HNRNPA2B1: variants seen among roughly 807,000 people sequenced by gnomAD.
HNRNPA2B1 encodes heterogeneous nuclear ribonucleoproteins A2/B1.
In HNRNPA2B1, 3 loss-of-function variants were observed where a neutral mutation model predicts 46.3. The ratio of observed to expected loss-of-function variants is 0.06; its 90% CI spans 0.03 to 0.17. The LOEUF (loss-of-function observed/expected upper bound fraction) is 0.17. Ranked by LOEUF, HNRNPA2B1 falls within the 10% of genes least tolerant of loss-of-function variation. The probability of loss-of-function intolerance (pLI) is 1.00; values close to 1 mark genes in which losing one functional copy is unlikely to be tolerated. For missense variants in HNRNPA2B1, 221 were observed against 418.9 expected (o/e 0.53, Z 4.12); for synonymous variants, 225 against 133.8 (o/e 1.68, Z -4.70).
rs1196389934 is a variant in HNRNPA2B1 at position 26,193,333 on chromosome 7, A to G, written c.882T>C (p.Tyr294=). ...GACCGTAGTTAGAAGGTTGCTGGTT[A>G]TAATTTCCAAAATCATTGTAATTTC... ...GSGNYNDFGN[Y]NQQPSNYGPM... is the part of the protein sequence containing the mutation. Residue 294 remains tyrosine (Y), a synonymous_variant, in exon 9 of 11, where the codon TAT becomes TAC. Transcript: ENST00000618183. 5.0e-6 allele frequency: 8 copies of G among 1,612,316 alleles called. No individual in the cohort carries two copies. Among genetic ancestry groups the G allele is most frequent in the African/African-American group, 2.7e-5 (2 of 74,890 alleles).
chr7:26,196,352 T>A, intron 6 of HNRNPA2B1, 49 bp downstream of exon 6: 1 of 1,450,180 alleles, frequency 6.9e-7, no homozygotes, highest in Middle Eastern at 1.8e-4. Context: ...TAATCATATT[T>A]AAAATAAAAG....
intron 7 of HNRNPA2B1, among the ~76,000 whole-genome samples, chr7:26,194,347 G>A (rs1196130780): frequency 6.6e-6 from 1 of 152,012 alleles, no homozygotes; most frequent in Admixed American, 6.6e-5. Flanking sequence ...AGTGAGCTGA[G>A]ATCACACCAC....
Position 26,200,740 on chromosome 7 carries a change from T to TGCTACTGCCGCTAGAGCCGCTGCC in HNRNPA2B1, c.-164_-163insGGCAGCGGCTCTAGCGGCAGTAGC. The TGCTACTGCCGCTAGAGCCGCTGCC allele has an allele frequency of 1.2e-6, 1 of 857,084 alleles. No individual in the cohort carries two copies. The allele number at this position is 857,084 out of a possible 1,614,324, so 53.1% of individuals were successfully genotyped here. On this transcript the variant is annotated 5_prime_UTR_variant, in exon 1 of 11. Transcript: ENST00000618183. ...ACCTCCGCACGGGACCCGGCGCTGC[T>TGCTACTGCCGCTAGAGCCGCTGCC]GCTACTGCCGCTAGAGCCGCTGCCG...
intron 10 of HNRNPA2B1, 46 bp downstream of exon 10, chr7:26,192,447 CTA>C (rs1366414892): frequency 1.6e-6 from 2 of 1,260,350 alleles, no homozygotes; most frequent in African/African-American, 1.5e-5. Flanking sequence ...ACTCCTGCAG[CTA>C]TGTCTCCCAA....
chr7:26,193,170 G>A, intron 9 of HNRNPA2B1, 81 bp downstream of exon 9: 2 of 1,365,928 alleles, frequency 1.5e-6, no homozygotes, highest in Non-Finnish European at 2.0e-6. Context: ...AAACTACTTA[G>A]TATGTTATCT....
At chr7:26,195,068 G>C (rs536981377) in intron 7 of HNRNPA2B1, among the ~76,000 whole-genome samples, 71 of 142,570 alleles carry the variant, frequency 5.0e-4, no homozygotes, top group African/African-American at 1.8e-3. Context: ...ACTCCAGCCT[G>C]GGTGACAGAG....
Position 26,193,614 on chromosome 7 carries a change from C to T in HNRNPA2B1, c.802G>A (p.Gly268Ser). 6.2e-7 allele frequency: 1 copy of T among 1,611,360 alleles called. No individual in the cohort carries two copies. ...GGGGPGYGNQ[G>S]GGYGGGYDNY... ...TCATAACCACCTCCGTAGCCCCCAC[C>T]CTGGTTGCCATATCCAGGTCCTCCA... is the stretch of plus-strand genomic sequence containing the variant. Residue 268 changes from glycine (G) to serine (S), a missense_variant, in exon 8 of 11, where the codon GGT becomes AGT. Gly to Ser is a moderately conservative substitution (Grantham distance 56). Around this residue, in one of 2 missense-constraint regions of HNRNPA2B1, gnomAD observed 143 missense variants for 200.5 expected, o/e 0.71. Coordinates refer to ENST00000618183, the MANE Select transcript of HNRNPA2B1 (RefSeq NM_002137.4).
In HNRNPA2B1 at chr7:26,200,692, C is replaced by G. The variant is rs886565331; in HGVS notation, c.-115G>C. On this transcript the variant is annotated 5_prime_UTR_variant, in exon 1 of 11. Coordinates refer to ENST00000618183, the MANE Select transcript of HNRNPA2B1 (RefSeq NM_002137.4). The stretch of plus-strand genomic sequence containing the variant: ...CGCTGTAGTGAGAACTGCCGCTGCT[C>G]GAGAAACAACTCTGCGAGGAGCACC... 3.7e-5 allele frequency: 49 copies of G among 1,316,846 alleles called. No homozygotes were observed. The highest frequency in any genetic ancestry group is 5.1e-5 in the Non-Finnish European group (47 of 916,576). 81.6% of individuals were successfully genotyped at this position (1,316,846 alleles called of 1,614,324 possible). A position where few individuals can be genotyped will look rare whatever the true frequency, so the allele number is the denominator to read the frequency against.
rs1050710076 is a variant in HNRNPA2B1 at position 26,197,530 on chromosome 7, T to C, written c.118-69A>G. ...GCTTATAAGTGAAGTCATAATAGAA[T>C]TTTTTACTATGCTGATAGTTATTTC... On this transcript the variant is annotated intron_variant, in intron 2 of 10. Coordinates refer to ENST00000618183, the MANE Select transcript of HNRNPA2B1 (RefSeq NM_002137.4). 11 of 1,574,144 alleles carry C rather than the reference T, an allele frequency of 7.0e-6. No homozygotes were observed. The South Asian group carries it at 1.0e-4, about 14-fold the overall frequency.
chr7:26,195,617 G>C (rs1289290381), intron 7 of HNRNPA2B1: 2 of 514,368 alleles, frequency 3.9e-6, no homozygotes, highest in Non-Finnish European at 6.8e-6. Context: ...GAGAAAAGAT[G>C]AGATACTCTG....
intron 4 of HNRNPA2B1, 74 bp from the exon 5 acceptor site, chr7:26,196,732 T>C: frequency 6.4e-7 from 1 of 1,566,536 alleles, no homozygotes; most frequent in Non-Finnish European, 8.8e-7. Flanking sequence ...TACCTTTCAA[T>C]AAAGTTACAG....
At chr7:26,198,557 G>A (rs911269428) in intron 1 of HNRNPA2B1, 2 of 152,180 alleles carry the variant, frequency 1.3e-5, no homozygotes, top group Non-Finnish European at 1.5e-5. Context: ...AACAATTACT[G>A]AAAGCTGAAG....
At chr7:26,195,518 C>T (rs1325581840) in intron 7 of HNRNPA2B1, among the ~76,000 whole-genome samples, 1 of 152,184 alleles carries the variant, frequency 6.6e-6, no homozygotes, top group Non-Finnish European at 1.5e-5. Flanking sequence ...ATATACCACC[C>T]CCTTAGGTTT....
intron 3 of HNRNPA2B1, 69 bp from the exon 4 acceptor site, chr7:26,197,086 C>T (rs759950356): frequency 6.5e-5 from 83 of 1,271,266 alleles, no homozygotes; most frequent in Non-Finnish European, 8.8e-5. Context: ...AGCACCCAAC[C>T]GTAGTACCAT....
chr7:26,194,516 C>A (rs1048188250), intron 7 of HNRNPA2B1, among the ~76,000 whole-genome samples: 1 of 149,784 alleles, frequency 6.7e-6, no homozygotes, highest in South Asian at 2.1e-4. Context: ...CAGGGCAACA[C>A]AGCAAAACCC....
chr7:26,200,716 C>CAT lies in HNRNPA2B1; in HGVS notation c.-140_-139insAT. ...TCGAGAAACAACTCTGCGAGGAGCACCTCCGCACGGGACCCGGCGCTGCTG... is the reference window on the plus strand; with the variant it reads ...TCGAGAAACAACTCTGCGAGGAGCACATCTCCGCACGGGACCCGGCGCTGCTG... On this transcript the variant is annotated 5_prime_UTR_variant, in exon 1 of 11. In the 5' UTR this introduces an upstream ATG that the reference lacks. Coordinates refer to ENST00000618183, the MANE Select transcript of HNRNPA2B1 (RefSeq NM_002137.4). The CAT allele has an allele frequency of 1.8e-6, 2 of 1,081,730 alleles. No individual in the cohort carries two copies. The highest frequency in any genetic ancestry group is 3.4e-5 in the Admixed American group (2 of 58,392). 67.0% of individuals were successfully genotyped at this position (1,081,730 alleles called of 1,614,324 possible). A position where few individuals can be genotyped will look rare whatever the true frequency, so the allele number is the denominator to read the frequency against.
In HNRNPA2B1 at chr7:26,193,463, C is replaced by G. The variant is rs962923003; in HGVS notation, c.842-90G>C. ...CCATAAAAACAAATAAAAGCAAACACTTATCCACAAATTTTATGGGCATCT... is the reference window on the plus strand; with the variant it reads ...CCATAAAAACAAATAAAAGCAAACAGTTATCCACAAATTTTATGGGCATCT... On this transcript the variant is annotated intron_variant, in intron 8 of 10. Coordinates refer to ENST00000618183, the MANE Select transcript of HNRNPA2B1 (RefSeq NM_002137.4). 7.2e-6 allele frequency: 11 copies of G among 1,529,542 alleles called. No homozygotes were observed. The East Asian group carries it at 1.1e-4, about 16-fold the overall frequency. The allele number at this position is 1,529,542 out of a possible 1,614,324, so 94.7% of individuals were successfully genotyped here.
intron 9 of HNRNPA2B1, among the ~76,000 whole-genome samples, chr7:26,192,806 T>A (rs1783056745): frequency 6.6e-6 from 1 of 152,224 alleles, no homozygotes; most frequent in African/African-American, 2.4e-5. Context: ...TTTCACCCTC[T>A]CATCCTCATT....
intron 1 of HNRNPA2B1, chr7:26,198,334 C>G (rs749364433): frequency 6.6e-6 from 1 of 152,662 alleles, no homozygotes; most frequent in Non-Finnish European, 1.5e-5. Context: ...CTCTCAGTTA[C>G]GAAAATATTT....
Sources: gnomAD v4.1 joint callset for allele counts (sites outside exome capture counted in the v4.1 genomes callset) on GRCh38, gnomAD v4.1.1 for gene constraint, gnomAD v4.1.1 regional missense constraint, MANE v1.5 for transcripts, NCBI Gene and HGNC (gene_info 2026-07-23, HGNC 2026-07-21) for gene names.